PBX1: variants seen among roughly 807,000 people sequenced by gnomAD.
PBX1 encodes the protein pre-B-cell leukemia transcription factor 1.
Under a neutral mutation model 53.4 loss-of-function variants are expected in PBX1, and 6 were observed. That is an observed-to-expected ratio of 0.11 (90% CI 0.06 to 0.22). The LOEUF is 0.22. Ranked by LOEUF, PBX1 falls within the 10% of genes least tolerant of loss-of-function variation. The probability of loss-of-function intolerance (pLI) is 1.00; values close to 1 mark genes in which losing one functional copy is unlikely to be tolerated. For missense variants in PBX1, 251 were observed against 551.4 expected, an observed-to-expected ratio of 0.46 and a Z score of 5.46; for synonymous variants, 204 against 212.3, an observed-to-expected ratio of 0.96 and a Z score of 0.34.
intron 2 of PBX1, among the ~76,000 whole-genome samples, chr1:164,876,574 G>A (rs1288389069): frequency 6.6e-6 from 1 of 151,950 alleles, no homozygotes; most frequent in Non-Finnish European, 1.5e-5. Flanking sequence ...CATTTATTGA[G>A]CGCCTCCTGT....
intron 8 of PBX1, among the ~76,000 whole-genome samples, chr1:164,826,762 T>G (rs1363860350): frequency 1.3e-5 from 2 of 152,200 alleles, no homozygotes; most frequent in Non-Finnish European, 1.5e-5. Context: ...CCAGCCAGTC[T>G]TTGATGTAAA....
chr1:164,674,722 C>T (rs1189767407), intron 2 of PBX1: 1 of 152,094 alleles, frequency 6.6e-6, no homozygotes, highest in Non-Finnish European at 1.5e-5. Flanking sequence ...AAACTACCCA[C>T]TCTACCAAGT....
intron 2 of PBX1, among the ~76,000 whole-genome samples, chr1:164,572,126 C>T (rs1329085079): frequency 1.3e-5 from 2 of 151,332 alleles, no homozygotes; most frequent in East Asian, 1.9e-4. Flanking sequence ...AGGCTGGTCT[C>T]GAACTCCTGA....
At chr1:164,861,489 T>C (rs1672096741) in intron 2 of PBX1, among the ~76,000 whole-genome samples, 1 of 152,186 alleles carries the variant, frequency 6.6e-6, no homozygotes, top group African/African-American at 2.4e-5. Context: ...TTAGCAAATA[T>C]TGAACAAATA....
intron 2 of PBX1, among the ~76,000 whole-genome samples, chr1:164,624,040 G>A (rs1224001273): frequency 1.3e-5 from 2 of 152,136 alleles, no homozygotes; most frequent in African/African-American, 2.4e-5. Flanking sequence ...TACACTTAAC[G>A]TGAGGGTCAA....
intron 2 of PBX1, among the ~76,000 whole-genome samples, chr1:164,715,289 A>T (rs1364281420): frequency 6.6e-6 from 1 of 152,234 alleles, no homozygotes; most frequent in Non-Finnish European, 1.5e-5. Context: ...AATGATGATG[A>T]TGTCTTTGGT....
intron 2 of PBX1, among the ~76,000 whole-genome samples, chr1:164,644,564 G>GTT (rs57587910): frequency 1.0e-4 from 15 of 146,732 alleles, no homozygotes; most frequent in East Asian, 4.0e-4. Context: ...ATCAGCTTTT[G>GTT]TTTTTTTTTT....
At chr1:164,570,256 C>T (rs531670340) in intron 2 of PBX1, among the ~76,000 whole-genome samples, 60 of 152,170 alleles carry the variant, frequency 3.9e-4, no homozygotes, top group South Asian at 2.1e-3. Flanking sequence ...GTGTGTGGAA[C>T]GTGCAGGTTT....
chr1:164,651,035 AG>A (rs1557916399), intron 2 of PBX1, among the ~76,000 whole-genome samples: 1 of 151,870 alleles, frequency 6.6e-6, no homozygotes, highest in African/African-American at 2.4e-5. Context: ...AGCCCAGCCC[AG>A]GCATGTCAGC....
Position 164,643,839 on chromosome 1 carries a change from G to A in PBX1, c.265+80528G>A, listed in dbSNP as rs538701171. On this transcript the variant is annotated intron_variant, in intron 2 of 8. Transcript: ENST00000420696. ...TGGCATGGTTGGGGTTTAAACTCATGTCTACCTGACTCCAAAGCCCTTGTA... is the reference window on the plus strand; with the variant it reads ...TGGCATGGTTGGGGTTTAAACTCATATCTACCTGACTCCAAAGCCCTTGTA... Among the ~76,000 whole-genome samples, 46 of 152,270 alleles carry A rather than the reference G, an allele frequency of 3.0e-4. No individual in the cohort carries two copies. The South Asian group carries it at 6.0e-3, about 20-fold the overall frequency.
intron 2 of PBX1, among the ~76,000 whole-genome samples, chr1:164,731,917 G>A (rs1191140256): frequency 6.6e-6 from 1 of 152,132 alleles, no homozygotes; most frequent in East Asian, 1.9e-4. Flanking sequence ...CATCACCAGT[G>A]GGATGGGAGT....
At chr1:164,625,837 C>A in intron 2 of PBX1, 4 of 577,922 alleles carry the variant, frequency 6.9e-6, no homozygotes, top group Non-Finnish European at 8.9e-6. Context: ...AAAAAAACAC[C>A]TTACATGAAT....
chr1:164,625,940 G>A (rs1040375219), intron 2 of PBX1: 28 of 1,033,676 alleles, frequency 2.7e-5, no homozygotes, highest in African/African-American at 2.7e-4. Context: ...ATTGAAGGAG[G>A]CCAGGAGTCG....
At chr1:164,756,945 C>G (rs1290696416) in intron 2 of PBX1, among the ~76,000 whole-genome samples, 1 of 152,204 alleles carries the variant, frequency 6.6e-6, no homozygotes, top group Non-Finnish European at 1.5e-5. Flanking sequence ...AATAACTCAG[C>G]ATTCTTAGCT....
At chr1:164,778,512 C>T (rs1558002629) in intron 2 of PBX1, among the ~76,000 whole-genome samples, 1 of 152,018 alleles carries the variant, frequency 6.6e-6, no homozygotes, top group Non-Finnish European at 1.5e-5. Flanking sequence ...TAGTGTGTGC[C>T]TGTAGTCCCA....
At chr1:164,790,129 G>A (rs963861867) in intron 2 of PBX1, among the ~76,000 whole-genome samples, 6 of 152,164 alleles carry the variant, frequency 3.9e-5, no homozygotes, top group Non-Finnish European at 8.8e-5. Flanking sequence ...GGTGCCTTTA[G>A]GGCCTGGTAT....
intron 2 of PBX1, among the ~76,000 whole-genome samples, chr1:164,663,793 C>T (rs189772927): frequency 4.6e-5 from 7 of 152,278 alleles, no homozygotes; most frequent in Non-Finnish European, 7.4e-5. Context: ...TTGCCAGGTA[C>T]GTTAGGGGTG....
chr1:164,666,900 A>G (rs1054706097), intron 2 of PBX1, among the ~76,000 whole-genome samples: 8 of 152,200 alleles, frequency 5.3e-5, no homozygotes, highest in South Asian at 2.1e-4. Flanking sequence ...AAGGCAGGCA[A>G]TGATTCTCCG....
At chr1:164,871,329 G>A (rs1672378282) in intron 2 of PBX1, among the ~76,000 whole-genome samples, 1 of 152,198 alleles carries the variant, frequency 6.6e-6, no homozygotes, top group Non-Finnish European at 1.5e-5. Flanking sequence ...AGAGAGCCAG[G>A]CCTTGGAAGC....
Sources: gnomAD v4.1 joint callset for allele counts (sites outside exome capture counted in the v4.1 genomes callset) on GRCh38, gnomAD v4.1.1 for gene constraint, MANE v1.5 for transcripts, NCBI Gene and HGNC (gene_info 2026-07-23, HGNC 2026-07-21) for gene names.